Variants in DENND2A observed in about 807,000 individuals in gnomAD.
DENND2A encodes DENN domain-containing protein 2A.
Under a neutral mutation model 105.3 loss-of-function variants are expected in DENND2A, and 53 were observed. The observed-to-expected ratio is 0.50, with a 90% CI of 0.40 to 0.63. The LOEUF is 0.63. Ranked by LOEUF, DENND2A falls within the 30% of genes least tolerant of loss-of-function variation. The pLI is 0.00. For synonymous variants in DENND2A, 522 were observed against 508.4 expected (o/e 1.03, Z -0.36); for missense variants, 1,138 against 1,279.6 (o/e 0.89, Z 1.69).
intron 12 of DENND2A, among the ~76,000 whole-genome samples, chr7:140,555,002 G>A (rs1797298641): frequency 6.6e-6 from 1 of 152,124 alleles, no homozygotes; most frequent in African/African-American, 2.4e-5. Context: ...ATGACAAAAG[G>A]CAATTCTCAG....
chr7:140,540,338 C>T (rs956644255), intron 14 of DENND2A, among the ~76,000 whole-genome samples: 2 of 152,276 alleles, frequency 1.3e-5, no homozygotes. Context: ...GTGGCAGCCA[C>T]AGCTGGCATC....
At chr7:140,626,453 G>C (rs1339703235) in intron 1 of DENND2A, among the ~76,000 whole-genome samples, 2 of 152,170 alleles carry the variant, frequency 1.3e-5, no homozygotes, top group Non-Finnish European at 2.9e-5. Flanking sequence ...TGGTCTCTGA[G>C]CACCTGGACA....
chr7:140,641,132 C>G (rs899986615), upstream of DENND2A, among the ~76,000 whole-genome samples: 1 of 152,212 alleles, frequency 6.6e-6, no homozygotes, highest in Non-Finnish European at 1.5e-5. Flanking sequence ...GCGTGCCCGG[C>G]CCCGCTTACT....
intron 14 of DENND2A, among the ~76,000 whole-genome samples, chr7:140,533,359 TCTC>T (rs1158833768): frequency 1.3e-5 from 2 of 152,112 alleles, no homozygotes; most frequent in Non-Finnish European, 2.9e-5. Context: ...GCTGCTCCCT[TCTC>T]CTTGCTGTAC....
At chr7:140,592,212 A>T (rs796694345) in intron 3 of DENND2A, among the ~76,000 whole-genome samples, 2,974 of 134,254 alleles carry the variant, frequency 0.022, 118 homozygotes, top group African/African-American at 0.078. Flanking sequence ...GCTAATTTTT[A>T]TTTTTTTTTT....
At chr7:140,571,278 C>T (rs1585660706) in intron 6 of DENND2A, among the ~76,000 whole-genome samples, 1 of 152,126 alleles carries the variant, frequency 6.6e-6, no homozygotes, top group Non-Finnish European at 1.5e-5. Context: ...CATGCCTCAG[C>T]CTCCCAAGTA....
intron 1 of DENND2A, among the ~76,000 whole-genome samples, chr7:140,638,522 C>T (rs774177270): frequency 1.3e-5 from 2 of 152,178 alleles, no homozygotes; most frequent in Non-Finnish European, 2.9e-5. Context: ...GGCCTCCCCA[C>T]CCAACAACTA....
intron 3 of DENND2A, among the ~76,000 whole-genome samples, chr7:140,594,704 G>A (rs1799212674): frequency 1.3e-5 from 2 of 152,094 alleles, no homozygotes. Context: ...ATATTTGTTG[G>A]TTGAATAAGT....
rs1035623245 is a variant in DENND2A, at chr7:140,559,105, T to C, written c.1889+603A>G. 2.0e-5 allele frequency among the ~76,000 whole-genome samples: 3 copies of C among 152,132 alleles called. No homozygotes were observed. Among genetic ancestry groups the C allele is most frequent in the Non-Finnish European group, 4.4e-5 (3 of 68,030 alleles). On this transcript the variant is annotated intron_variant, in intron 10 of 19. Coordinates refer to ENST00000496613, the MANE Select transcript of DENND2A (RefSeq NM_015689.5). The surrounding 1 kb of genome is among the most constrained non-coding windows in gnomAD (Gnocchi z 4.1). ...ACATCTGCTCATCTAGGGATGTGAC[T>C]CGGTGAGGGAGCAGCGGAAGATGGG...
chr7:140,552,796 C>T (rs1301240773), intron 12 of DENND2A, among the ~76,000 whole-genome samples: 1 of 152,088 alleles, frequency 6.6e-6, no homozygotes, highest in Non-Finnish European at 1.5e-5. Context: ...GCCTCGAACT[C>T]TTGGGCTCAA....
At chr7:140,584,875 C>T (rs756136139) in intron 5 of DENND2A, among the ~76,000 whole-genome samples, 4 of 152,144 alleles carry the variant, frequency 2.6e-5, no homozygotes, top group African/African-American at 7.2e-5. Context: ...TAGACATGTG[C>T]GAGTTTACAT....
intron 1 of DENND2A, among the ~76,000 whole-genome samples, chr7:140,632,169 G>C (rs981604137): frequency 1.3e-5 from 2 of 152,122 alleles, no homozygotes; most frequent in African/African-American, 2.4e-5. Context: ...TTATAGAAGT[G>C]TCCTGTTTTA....
intron 1 of DENND2A, among the ~76,000 whole-genome samples, chr7:140,636,336 C>A (rs1800930539): frequency 6.6e-6 from 1 of 152,184 alleles, no homozygotes; most frequent in African/African-American, 2.4e-5. Flanking sequence ...CAACTCCTAA[C>A]CCCCAGTCTT....
chr7:140,635,524 C>T (rs1459878341), intron 1 of DENND2A, among the ~76,000 whole-genome samples: 1 of 152,030 alleles, frequency 6.6e-6, no homozygotes, highest in Admixed American at 6.6e-5. Context: ...CTGTACTGGC[C>T]CCACTCTCCA....
At chr7:140,557,158 A>T (rs1797394438) in intron 11 of DENND2A, among the ~76,000 whole-genome samples, 1 of 152,068 alleles carries the variant, frequency 6.6e-6, no homozygotes, top group South Asian at 2.1e-4. Flanking sequence ...TAATCTCAGC[A>T]CACTGGGAGG....
At chr7:140,529,532 C>T (rs532137523) in intron 14 of DENND2A, among the ~76,000 whole-genome samples, 88 of 152,288 alleles carry the variant, frequency 5.8e-4, no homozygotes, top group Non-Finnish European at 1.1e-3. Flanking sequence ...ATAACAAAGA[C>T]TTGGAACCAG....
intron 1 of DENND2A, among the ~76,000 whole-genome samples, chr7:140,634,801 G>C (rs894982072): frequency 6.6e-6 from 1 of 152,064 alleles, no homozygotes; most frequent in African/African-American, 2.4e-5. Flanking sequence ...GAAGCTGAGA[G>C]GCAGAGGTTG....
intron 6 of DENND2A, among the ~76,000 whole-genome samples, chr7:140,572,751 CAAAAA>C (rs59174097): frequency 1.7e-5 from 1 of 58,876 alleles, no homozygotes; most frequent in Non-Finnish European, 3.6e-5. Flanking sequence ...GAAACTCTGT[CAAAAA>C]AAAAAAAAAA....
rs1332467131 is a variant in DENND2A at position 140,527,890 on chromosome 7, A to G, written c.2328-395T>C. Among the ~76,000 whole-genome samples the G allele has an allele frequency of 3.3e-5, 5 of 151,848 alleles. No homozygotes were observed. Among genetic ancestry groups the G allele is most frequent in the African/African-American group, 9.7e-5 (4 of 41,312 alleles). On this transcript the variant is annotated intron_variant, in intron 14 of 19. Coordinates refer to ENST00000496613, the MANE Select transcript of DENND2A (RefSeq NM_015689.5). This position sits in a 1 kb window ranked among gnomAD's most constrained non-coding sequence, Gnocchi z 4.9. ...CACTCTGTTGCCCAGGCTGGGGTGC[A>G]GTGGCGTGATTTGGGCTTACTGCAA...
Sources: allele counts gnomAD v4.1 joint callset (sites outside exome capture counted in the v4.1 genomes callset), GRCh38; gene constraint gnomAD v4.1.1; non-coding constraint Gnocchi (gnomAD v3.1); transcripts MANE v1.5; gene names NCBI Gene and HGNC (gene_info 2026-07-23, HGNC 2026-07-21).